DTNA: variants seen among roughly 807,000 people sequenced by gnomAD.
DTNA encodes dystrobrevin alpha.
In DTNA, 43 loss-of-function variants were observed where a neutral mutation model predicts 100.7. The ratio of observed to expected loss-of-function variants is 0.43; its 90% CI spans 0.33 to 0.55. DTNA has a LOEUF of 0.55. Among genes scored for constraint, DTNA ranks in the 20% least tolerant of loss-of-function variants. The probability of loss-of-function intolerance (pLI) is 0.04; values close to 1 mark genes in which losing one functional copy is unlikely to be tolerated. For synonymous variants in DTNA, 349 were observed against 347.9 expected (o/e 1.00, Z -0.04); for missense variants, 798 against 953.9 (o/e 0.84, Z 2.15).
chr18:34,879,471 T>TC lies in DTNA; in HGVS notation c.1994-80_1994-79insC, dbSNP rs2096851022. On this transcript the variant is annotated intron_variant, in intron 19 of 22. Coordinates refer to ENST00000444659, the MANE Select transcript of DTNA (RefSeq NM_001386795.1). ...AACATTTTACACAGCACAGGTTGAT[T>TC]TGTGAAGCCTACTCCTTTATTTGCA... 4 of 1,420,978 alleles carry TC rather than the reference T, an allele frequency of 2.8e-6. No individual in the cohort carries two copies. In the East Asian group the frequency reaches 9.2e-5, roughly 33 times the overall value. 88.0% of individuals were successfully genotyped at this position (1,420,978 alleles called of 1,614,324 possible). A position where few individuals can be genotyped will look rare whatever the true frequency, so the allele number is the denominator to read the frequency against.
At position 34,501,693 on chromosome 18, in the gene DTNA, TG is replaced by T. The variant is rs2039945070; in HGVS notation, c.-2+8181del. On this transcript the variant is annotated intron_variant, in intron 1 of 19. Coordinates refer to the DTNA transcript ENST00000283365. The stretch of plus-strand genomic sequence containing the variant: ...CTGACATAAAATACCACAGACTGGG[TG>T]GCTTAAACAACAGAAATGTATTTCC... 2.6e-5 allele frequency among the ~76,000 whole-genome samples: 4 copies of T among 152,178 alleles called. No homozygotes were observed. The South Asian group carries it at 8.3e-4, about 31-fold the overall frequency.
At chr18:34,770,800 T>TTC (rs1323241871) in intron 3 of DTNA, among the ~76,000 whole-genome samples, 3 of 147,990 alleles carry the variant, frequency 2.0e-5, no homozygotes, top group Non-Finnish European at 4.5e-5. Flanking sequence ...TTTTTTTTTT[T>TTC]GAGTGGAGTT....
chr18:34,614,524 C>T (rs1264013755), intron 1 of DTNA, among the ~76,000 whole-genome samples: 1 of 152,134 alleles, frequency 6.6e-6, no homozygotes, highest in East Asian at 1.9e-4. Flanking sequence ...ATTTGTGGTT[C>T]ATGGCAGGAG....
chr18:34,832,853 G>A (rs949397668), intron 11 of DTNA, among the ~76,000 whole-genome samples: 6 of 152,092 alleles, frequency 3.9e-5, no homozygotes, highest in African/African-American at 1.2e-4. Context: ...TTAAGTTAGT[G>A]TGATGGCCTC....
Position 34,888,292 on chromosome 18 carries a change from AC to A in DTNA, c.*559del. 2 of 985,860 alleles carry A rather than the reference AC, an allele frequency of 2.0e-6. No homozygotes were observed. Among genetic ancestry groups the A allele is most frequent in the Non-Finnish European group, 2.4e-6 (2 of 829,944 alleles). 61.1% of individuals were successfully genotyped at this position (985,860 alleles called of 1,614,324 possible). On this transcript the variant is annotated 3_prime_UTR_variant, in exon 23 of 23. Transcript: ENST00000444659. ...TTTTTTTCACAGCAATTGGAAAAAA[AC>A]AACCACTTGCAATCATTCAATAACC...
At chr18:34,851,089 A>G (rs2096469253) in intron 14 of DTNA, among the ~76,000 whole-genome samples, 1 of 152,162 alleles carries the variant, frequency 6.6e-6, no homozygotes, top group South Asian at 2.1e-4. Context: ...TATGACTTTA[A>G]AACTATATTT....
intron 1 of DTNA, among the ~76,000 whole-genome samples, chr18:34,732,315 T>A (rs1286084631): frequency 6.6e-6 from 1 of 152,246 alleles, no homozygotes; most frequent in East Asian, 1.9e-4. Flanking sequence ...TGCTCTGTGC[T>A]GTAATGAAGC....
chr18:34,888,736 G>A lies in DTNA; in HGVS notation c.*1002G>A, dbSNP rs899718886. Reference sequence around the variant, plus strand: ...GCTCTTCCATGGTCTTGTTCCTCTCGTTTTGGCTTTAGGAAGCATGTCTTT... The same window carrying A: ...GCTCTTCCATGGTCTTGTTCCTCTCATTTTGGCTTTAGGAAGCATGTCTTT... On this transcript the variant is annotated 3_prime_UTR_variant, in exon 23 of 23. Transcript: ENST00000444659. 6.1e-6 allele frequency: 6 copies of A among 985,704 alleles called. No individual in the cohort carries two copies. The African/African-American group carries it at 7.0e-5, about 11-fold the overall frequency. 61.1% of individuals were successfully genotyped at this position (985,704 alleles called of 1,614,324 possible).
chr18:34,549,508 T>A (rs191033428), intron 1 of DTNA, among the ~76,000 whole-genome samples: 6 of 152,214 alleles, frequency 3.9e-5, no homozygotes, highest in East Asian at 3.9e-4. Flanking sequence ...ATCCTAACTC[T>A]CTCACTTTTC....
chr18:34,750,362 A>C (rs2092197121), intron 1 of DTNA, among the ~76,000 whole-genome samples: 1 of 152,218 alleles, frequency 6.6e-6, no homozygotes, highest in Admixed American at 6.5e-5. Context: ...GATTCCTTTA[A>C]GAAATAATAC....
At chr18:34,693,746 CTGTGTGTG>C (rs34072179) in intron 1 of DTNA, among the ~76,000 whole-genome samples, 2,330 of 143,172 alleles carry the variant, frequency 0.016, 46 homozygotes, top group African/African-American at 0.053. Flanking sequence ...CTTGTGTGCA[CTGTGTGTG>C]TGTGTGTGTG....
intron 11 of DTNA, among the ~76,000 whole-genome samples, chr18:34,834,283 G>A (rs1268044566): frequency 1.3e-5 from 2 of 151,874 alleles, no homozygotes; most frequent in African/African-American, 2.4e-5. Context: ...ATCGCCTGAG[G>A]TCAGGAGTTT....
intron 1 of DTNA, among the ~76,000 whole-genome samples, chr18:34,577,612 A>G (rs1290008256): frequency 1.3e-5 from 2 of 152,096 alleles, no homozygotes; most frequent in Non-Finnish European, 2.9e-5. Flanking sequence ...GTGAGTCCCC[A>G]AAGTCCATCG....
At chr18:34,880,779 C>CA (rs2096864445) in intron 20 of DTNA, among the ~76,000 whole-genome samples, 1 of 152,162 alleles carries the variant, frequency 6.6e-6, no homozygotes, top group Non-Finnish European at 1.5e-5. Flanking sequence ...AAACCATTAT[C>CA]ATGGGACTTA....
intron 1 of DTNA, among the ~76,000 whole-genome samples, chr18:34,655,672 A>T (rs567949868): frequency 5.3e-5 from 8 of 152,300 alleles, no homozygotes; most frequent in Admixed American, 2.0e-4. Flanking sequence ...TCTTTTCTAT[A>T]AGTGTTTAGG....
Position 34,812,003 on chromosome 18 carries a change from G to A in DTNA, c.493G>A (p.Gly165Arg). The A allele has an allele frequency of 1.9e-6, 3 of 1,614,040 alleles. No homozygotes were observed. Among genetic ancestry groups the A allele is most frequent in the Non-Finnish European group, 2.5e-6 (3 of 1,179,950 alleles). Residue 165 changes from glycine (G) to arginine (R), a missense_variant, in exon 6 of 23, where the codon GGA becomes AGA. This residue lies in a region of DTNA where 197 missense variants were observed against 215.4 expected (regional missense o/e 0.91). Transcript: ENST00000444659. ...TGACTCCAGTGGGGTGATGGTTTAT[G>A]GACGATATGACCAATTCCTTCGGGA... ...ISDSSGVMVYGRYDQFLREVL... is the reference protein window; with the variant it reads ...ISDSSGVMVYRRYDQFLREVL...
chr18:34,854,444 A>G (rs576022556), intron 15 of DTNA, among the ~76,000 whole-genome samples: 1 of 152,330 alleles, frequency 6.6e-6, no homozygotes, highest in South Asian at 2.1e-4. Context: ...CAGAATTAAC[A>G]GATGTCAGTA....
chr18:34,845,323 T>C (rs2096356918), intron 13 of DTNA, among the ~76,000 whole-genome samples: 2 of 152,154 alleles, frequency 1.3e-5, no homozygotes, highest in Non-Finnish European at 2.9e-5. Flanking sequence ...GTATGAGTTA[T>C]CACTTGCTAT....
intron 1 of DTNA, among the ~76,000 whole-genome samples, chr18:34,584,473 CTTAAAAA>C (rs1212959392): frequency 3.9e-5 from 6 of 151,986 alleles, no homozygotes; most frequent in Admixed American, 6.6e-5. Flanking sequence ...AAATTTAATT[CTTAAAAA>C]TTAAAAATGT....
Sources: allele counts gnomAD v4.1 joint callset (sites outside exome capture counted in the v4.1 genomes callset), GRCh38; gene constraint gnomAD v4.1.1; regional missense constraint gnomAD v4.1.1; transcripts MANE v1.5; gene names NCBI Gene and HGNC (gene_info 2026-07-23, HGNC 2026-07-21).